FAM72B: variants seen among roughly 807,000 people sequenced by gnomAD.
The protein encoded by FAM72B is RUMY family member 2, also known as protein FAM72B.
FAM72B carries 4 observed loss-of-function variants against 12.6 expected under a neutral mutation model. That is an observed-to-expected ratio of 0.32 (90% confidence interval 0.16 to 0.73). The LOEUF (loss-of-function observed/expected upper bound fraction) is 0.73. Ranked by LOEUF, FAM72B falls within the 30% of genes least tolerant of loss-of-function variation. FAM72B has a pLI of 0.67. For missense variants in FAM72B, 61 were observed against 158.4 expected (o/e 0.39, Z 3.30); for synonymous variants, 13 against 53.9 (o/e 0.24, Z 3.32).
rs1478885627 is a variant in FAM72B at position 121,180,612 on chromosome 1, C to A, written c.230+659G>T. Among the ~76,000 whole-genome samples the A allele has an allele frequency of 1.1e-4, 16 of 151,158 alleles. 1 individual carries two copies. Among genetic ancestry groups the A allele is most frequent in the Admixed American group, 1.1e-3 (16 of 15,160 alleles). The stretch of plus-strand genomic sequence containing the variant: ...CAGTGGCTCATACCTGTAATCCCAG[C>A]CTTTTGGGAAGCTGAGGAGAGAGGA... On this transcript the variant is annotated intron_variant, in intron 2 of 3. Coordinates refer to ENST00000369390, the MANE Select transcript of FAM72B (RefSeq NM_001100910.2).
At chr1:121,179,783 G>A (rs587669767) in intron 2 of FAM72B, among the ~76,000 whole-genome samples, 8 of 140,712 alleles carry the variant, frequency 5.7e-5, no homozygotes, top group Admixed American at 2.8e-4. Context: ...AGCTGAGATC[G>A]TGCCACTGCA....
At chr1:121,173,184 A>ATTTTT (rs199877959) in intron 3 of FAM72B, among the ~76,000 whole-genome samples, 2 of 125,532 alleles carry the variant, frequency 1.6e-5, no homozygotes, top group African/African-American at 6.5e-5. Flanking sequence ...TACTAAAATA[A>ATTTTT]TTTTTTTTTT....
At chr1:121,168,984 A>G (rs1654033624) in intron 3 of FAM72B, 149 bp from the exon 4 acceptor site, 1 of 591,790 alleles carries the variant, frequency 1.7e-6, no homozygotes, top group Non-Finnish European at 2.9e-6. Context: ...CTGCAAATAA[A>G]ATTACCTAAT....
intron 2 of FAM72B, among the ~76,000 whole-genome samples, chr1:121,180,872 A>C (rs587638686): frequency 1.3e-5 from 2 of 152,294 alleles, no homozygotes; most frequent in African/African-American, 4.8e-5. Context: ...CAAAGAAAGG[A>C]GTAATAACCT....
At chr1:121,176,471 C>T (rs1278696487) in intron 3 of FAM72B, among the ~76,000 whole-genome samples, 7 of 113,512 alleles carry the variant, frequency 6.2e-5, no homozygotes, top group South Asian at 5.8e-4. Context: ...TGCTCTCGGC[C>T]GAATAAGTAT....
intron 2 of FAM72B, among the ~76,000 whole-genome samples, chr1:121,180,420 G>C (rs1460322507): frequency 7.4e-6 from 1 of 134,422 alleles, no homozygotes; most frequent in African/African-American, 3.0e-5. Context: ...ATGGTGGTGC[G>C]TGCATGTAAT....
chr1:121,172,477 AC>A (rs769655265), intron 3 of FAM72B, among the ~76,000 whole-genome samples: 2 of 143,398 alleles, frequency 1.4e-5, no homozygotes, highest in Non-Finnish European at 3.0e-5. Flanking sequence ...AAAAATTGGT[AC>A]TTTGGCCGGT....
chr1:121,179,743 G>A (rs1356034609), intron 2 of FAM72B, among the ~76,000 whole-genome samples: 5 of 141,284 alleles, frequency 3.5e-5, no homozygotes, highest in Non-Finnish European at 6.1e-5. Flanking sequence ...CAGGAGATTC[G>A]CTTGAACCTG....
chr1:121,175,308 T>C (rs1190692902), intron 3 of FAM72B, among the ~76,000 whole-genome samples: 9 of 152,164 alleles, frequency 5.9e-5, no homozygotes, highest in Non-Finnish European at 8.8e-5. Flanking sequence ...TCATTGACAA[T>C]GCACCTAGTC....
chr1:121,174,441 C>T (rs1180711330), intron 3 of FAM72B, among the ~76,000 whole-genome samples: 2 of 141,326 alleles, frequency 1.4e-5, no homozygotes, highest in African/African-American at 5.3e-5. Context: ...GATCTTGGCT[C>T]ACCGCAACCT....
At chr1:121,175,176 G>A (rs587620559) in intron 3 of FAM72B, among the ~76,000 whole-genome samples, 317 of 152,112 alleles carry the variant, frequency 2.1e-3, no homozygotes, top group Non-Finnish European at 4.0e-3. Flanking sequence ...TTGCCTGTGC[G>A]CTGTCAATGA....
intron 1 of FAM72B, among the ~76,000 whole-genome samples, chr1:121,182,195 C>A (rs1350943824): frequency 6.6e-6 from 1 of 150,924 alleles, no homozygotes; most frequent in Non-Finnish European, 1.5e-5. Context: ...ACGATGTACA[C>A]ACACACAAAT....
At chr1:121,174,599 T>C (rs1654170812) in intron 3 of FAM72B, among the ~76,000 whole-genome samples, 1 of 151,092 alleles carries the variant, frequency 6.6e-6, no homozygotes. Flanking sequence ...ACTCCCAACC[T>C]CAGGTGATCT....
chr1:121,179,766 T>G (rs1654293214), intron 2 of FAM72B, among the ~76,000 whole-genome samples: 1 of 141,742 alleles, frequency 7.1e-6, no homozygotes, highest in Non-Finnish European at 1.5e-5. Context: ...AGGCGGAGGT[T>G]GCAGTAAGCT....
rs587674238 is a variant in FAM72B at position 121,172,991 on chromosome 1, C to T, written c.356-4156G>A. Among the ~76,000 whole-genome samples the T allele has an allele frequency of 1.2e-4, 16 of 134,768 alleles. No individual in the cohort carries two copies. In the South Asian group the frequency reaches 2.2e-3, roughly 19 times the overall value. 88.4% of individuals were successfully genotyped at this position (134,768 alleles called of 152,430 possible). A position where few individuals can be genotyped will look rare whatever the true frequency, so the allele number is the denominator to read the frequency against. On this transcript the variant is annotated intron_variant, in intron 3 of 3. Transcript: ENST00000369390. The stretch of plus-strand genomic sequence containing the variant: ...ACTCGGGAGGCTGAGGCACGAGAAT[C>T]GCTTGAACCCGGGAGGCAGAGGCTG...
intron 3 of FAM72B, among the ~76,000 whole-genome samples, chr1:121,174,662 C>T (rs587596696): frequency 1.3e-4 from 20 of 150,840 alleles, no homozygotes; most frequent in East Asian, 5.8e-4. Context: ...CCACCGCGCC[C>T]GGCCTCTTAT....
intron 3 of FAM72B, 109 bp from the exon 4 acceptor site, chr1:121,168,944 C>T: frequency 1.7e-6 from 1 of 584,522 alleles, no homozygotes; most frequent in Non-Finnish European, 3.1e-6. Context: ...ATAGTGTTAG[C>T]AGTAAAAAGA....
At chr1:121,173,094 A>G (rs587747048) in intron 3 of FAM72B, among the ~76,000 whole-genome samples, 8 of 151,104 alleles carry the variant, frequency 5.3e-5, no homozygotes, top group African/African-American at 1.9e-4. Flanking sequence ...AAAAAAAAAG[A>G]ATTAGTATTT....
At position 121,168,980 on chromosome 1, in the gene FAM72B, A is replaced by G. The variant is rs1451361457; in HGVS notation, c.356-145T>C. The G allele has an allele frequency of 6.8e-6, 4 of 590,786 alleles. No homozygotes were observed. The African/African-American group carries it at 8.1e-5, about 12-fold the overall frequency. The allele number at this position is 590,786 out of a possible 1,614,324, so 36.6% of individuals were successfully genotyped here. A position where few individuals can be genotyped will look rare whatever the true frequency, so the allele number is the denominator to read the frequency against. The stretch of plus-strand genomic sequence containing the variant: ...GTAGCTATTGAAGAATGTACTGCAA[A>G]TAAAATTACCTAATATTATCCATCT... On this transcript the variant is annotated intron_variant, in intron 3 of 3. Coordinates refer to ENST00000369390, the MANE Select transcript of FAM72B (RefSeq NM_001100910.2).
Sources: gnomAD v4.1 joint callset for allele counts (sites outside exome capture counted in the v4.1 genomes callset) on GRCh38, gnomAD v4.1.1 for gene constraint, MANE v1.5 for transcripts, NCBI Gene and HGNC (gene_info 2026-07-23, HGNC 2026-07-21) for gene names.